The following FZD3 variants were observed in gnomAD, a reference collection of about 807,000 sequenced individuals.
FZD3 encodes frizzled class receptor 3, also known as frizzled-3.
In FZD3, 30 loss-of-function variants were observed where a neutral mutation model predicts 60.7. The ratio of observed to expected loss-of-function variants is 0.49; its 90% CI spans 0.37 to 0.67. The LOEUF (loss-of-function observed/expected upper bound fraction) is 0.67. Ranked by LOEUF, FZD3 falls within the 30% of genes least tolerant of loss-of-function variation. The pLI is 0.00. For missense variants in FZD3, 605 were observed against 838.7 expected (o/e 0.72, Z 3.44); for synonymous variants, 246 against 275.2 (o/e 0.89, Z 1.05).
intron 3 of FZD3, among the ~76,000 whole-genome samples, chr8:28,504,492 A>G (rs1804085084): frequency 2.0e-5 from 3 of 152,180 alleles, no homozygotes; most frequent in Non-Finnish European, 2.9e-5. Flanking sequence ...TGGGAAGCAA[A>G]TAGGTTAATA....
intron 6 of FZD3, among the ~76,000 whole-genome samples, chr8:28,552,960 T>C (rs191589869): frequency 6.6e-6 from 1 of 152,326 alleles, no homozygotes; most frequent in East Asian, 1.9e-4. Flanking sequence ...ATGTATTAGG[T>C]ACTGTAAGTA....
chr8:28,548,142 C>T (rs1009609502), intron 5 of FZD3, among the ~76,000 whole-genome samples: 1 of 151,704 alleles, frequency 6.6e-6, no homozygotes, highest in Non-Finnish European at 1.5e-5. Context: ...TGTGAGCCAC[C>T]GTGCCCAGCT....
At chr8:28,497,555 C>T (rs1803875962) in intron 1 of FZD3, among the ~76,000 whole-genome samples, 1 of 152,224 alleles carries the variant, frequency 6.6e-6, no homozygotes, top group East Asian at 1.9e-4. Context: ...CCTGTTCGCT[C>T]TGTAGGCACT....
intron 5 of FZD3, among the ~76,000 whole-genome samples, chr8:28,537,763 C>G (rs1352315349): frequency 6.6e-6 from 1 of 152,142 alleles, no homozygotes; most frequent in Non-Finnish European, 1.5e-5. Context: ...GTCACTGTTG[C>G]ATTCTCATTT....
intron 5 of FZD3, among the ~76,000 whole-genome samples, chr8:28,550,057 TTGTC>T (rs971904338): frequency 1.5e-4 from 23 of 152,256 alleles, no homozygotes; most frequent in East Asian, 3.9e-4. Flanking sequence ...ATCGTTTTCT[TTGTC>T]TGTGTTTTCA....
At chr8:28,525,964 G>C (rs1804704813) in intron 4 of FZD3, among the ~76,000 whole-genome samples, 1 of 152,218 alleles carries the variant, frequency 6.6e-6, no homozygotes, top group African/African-American at 2.4e-5. Flanking sequence ...TTTTTGGCCT[G>C]AGCAGCTAGA....
chr8:28,558,790 TGGCA>T (rs1482182336), intron 7 of FZD3, among the ~76,000 whole-genome samples: 7 of 152,220 alleles, frequency 4.6e-5, no homozygotes, highest in Non-Finnish European at 8.8e-5. Flanking sequence ...CCTATGCACG[TGGCA>T]TACTGTGTAT....
At chr8:28,560,957 T>G (rs1006434567) in intron 7 of FZD3, among the ~76,000 whole-genome samples, 4 of 152,226 alleles carry the variant, frequency 2.6e-5, no homozygotes, top group Non-Finnish European at 4.4e-5. Flanking sequence ...TAAATAAGAA[T>G]TAAATAACTT....
At chr8:28,501,586 C>T (rs923758919) in intron 2 of FZD3, among the ~76,000 whole-genome samples, 6 of 152,182 alleles carry the variant, frequency 3.9e-5, no homozygotes, top group African/African-American at 1.2e-4. Flanking sequence ...AAGTTAACAT[C>T]GTTACTAAAC....
chr8:28,508,089 C>A (rs902298229), intron 3 of FZD3, among the ~76,000 whole-genome samples: 1 of 151,950 alleles, frequency 6.6e-6, no homozygotes, highest in Non-Finnish European at 1.5e-5. Context: ...GAGGCAAGAT[C>A]TCACTATGTT....
rs201768324 is a variant in FZD3, at chr8:28,568,098, AAG to A, written c.*5088_*5089del. 9.1e-3 allele frequency: 1,390 copies of A among 152,248 alleles called. 25 individuals are homozygous for A. The highest frequency in any genetic ancestry group is 0.031 in the African/African-American group (1,304 of 41,558). 9.4% of individuals were successfully genotyped at this position (152,248 alleles called of 1,614,324 possible). A position where few individuals can be genotyped will look rare whatever the true frequency, so the allele number is the denominator to read the frequency against. ...TTTGTACACATTTATAATTTTTTTA[AAG>A]TATGTAAAGTAAGGATTTTTTCTCC... On this transcript the variant is annotated 3_prime_UTR_variant, in exon 8 of 8. Transcript: ENST00000240093.
At chr8:28,549,190 C>T (rs1246856924) in intron 5 of FZD3, among the ~76,000 whole-genome samples, 1 of 152,106 alleles carries the variant, frequency 6.6e-6, no homozygotes, top group East Asian at 1.9e-4. Flanking sequence ...AAATTTCCTC[C>T]TCTTATAAGG....
chr8:28,496,022 C>A lies in FZD3; in HGVS notation c.-391+1679C>A, dbSNP rs76048493. ...AAAGGAGAAGGACAATGAGCTGTTT[C>A]CTCATCCTAGCTGCTCTATGCTTCT... On this transcript the variant is annotated intron_variant, in intron 1 of 7. Coordinates refer to ENST00000240093, the MANE Select transcript of FZD3 (RefSeq NM_017412.4). Among the ~76,000 whole-genome samples the A allele has an allele frequency of 4.6e-3, 703 of 152,310 alleles. 24 individuals carry two copies. In the East Asian group the frequency reaches 0.089, roughly 19 times the overall value.
intron 6 of FZD3, among the ~76,000 whole-genome samples, chr8:28,552,522 G>A (rs352226): frequency 0.63 from 95,068 of 151,978 alleles, 30,156 homozygotes; most frequent in African/African-American, 0.71. Context: ...AGGTATCTCT[G>A]TCTGAATTAT....
intron 3 of FZD3, among the ~76,000 whole-genome samples, chr8:28,508,313 A>G (rs1804194973): frequency 6.6e-6 from 1 of 152,056 alleles, no homozygotes; most frequent in South Asian, 2.1e-4. Flanking sequence ...TTTCTTTAGG[A>G]AGCTCTGGTT....
At chr8:28,524,040 C>T (rs1357585116) in intron 4 of FZD3, among the ~76,000 whole-genome samples, 1 of 152,096 alleles carries the variant, frequency 6.6e-6, no homozygotes, top group Non-Finnish European at 1.5e-5. Context: ...GCCCTCTTGA[C>T]TTGGACTTCC....
rs939881128 is a variant in FZD3, at chr8:28,569,345, T to G, written c.*6334T>G. 1 of 152,076 alleles carries G rather than the reference T, an allele frequency of 6.6e-6. No individual in the cohort carries two copies. The highest frequency in any genetic ancestry group is 1.5e-5 in the Non-Finnish European group (1 of 67,986). The allele number at this position is 152,076 out of a possible 1,614,324, so 9.4% of individuals were successfully genotyped here. On this transcript the variant is annotated 3_prime_UTR_variant, in exon 8 of 8. Transcript: ENST00000240093. ...CAATAGGATTTTGAGTCAGGAAACTTGACTTCTACTCTTGCCTCTCTTTTG... is the reference window on the plus strand; with the variant it reads ...CAATAGGATTTTGAGTCAGGAAACTGGACTTCTACTCTTGCCTCTCTTTTG...
chr8:28,494,313 C>CCCT lies in FZD3; in HGVS notation c.-421_-420insCCT, dbSNP rs10684384. ...CCCGCGGCAGGCGGTGCAGCCCCCC[C>CCCT]ACCCCTTGGAGCCAGGCGCCGGGGT... On this transcript the variant is annotated 5_prime_UTR_variant, in exon 1 of 8. Coordinates refer to ENST00000240093, the MANE Select transcript of FZD3 (RefSeq NM_017412.4). The CCCT allele has an allele frequency of 6.6e-6, 1 of 151,796 alleles. No homozygotes were observed. Among genetic ancestry groups the CCCT allele is most frequent in the African/African-American group, 2.4e-5 (1 of 41,330 alleles). 9.4% of individuals were successfully genotyped at this position (151,796 alleles called of 1,614,324 possible).
intron 3 of FZD3, among the ~76,000 whole-genome samples, chr8:28,510,911 C>T (rs916636154): frequency 6.6e-6 from 1 of 151,156 alleles, no homozygotes; most frequent in African/African-American, 2.4e-5. Flanking sequence ...GTGGTGGGCA[C>T]ATGTAATCCC....
Sources: allele counts gnomAD v4.1 joint callset (sites outside exome capture counted in the v4.1 genomes callset), GRCh38; gene constraint gnomAD v4.1.1; transcripts MANE v1.5; gene names NCBI Gene and HGNC (gene_info 2026-07-23, HGNC 2026-07-21).